The following MID1 variants were observed in gnomAD, a reference collection of about 807,000 sequenced individuals.
MID1 encodes midline 1.
A neutral mutation model predicts 40.4 loss-of-function variants in MID1; 7 were observed. The observed-to-expected ratio is 0.17, with a 90% CI of 0.10 to 0.33. The LOEUF (loss-of-function observed/expected upper bound fraction) is 0.33, where lower values mean the gene tolerates loss of function less well. Ranked by LOEUF, MID1 falls within the 10% of genes least tolerant of loss-of-function variation. The probability of loss-of-function intolerance (pLI) is 1.00; values close to 1 mark genes in which losing one functional copy is unlikely to be tolerated. For synonymous variants in MID1, 229 were observed against 221.2 expected (o/e 1.04, Z -0.31); for missense variants, 367 against 558.5 (o/e 0.66, Z 3.46).
intron 1 of MID1, among the ~76,000 whole-genome samples, chrX:10,829,915 A>T (rs1164250993): frequency 1.1e-4 from 12 of 112,146 alleles, no homozygotes; most frequent in African/African-American, 3.9e-4. Context: ...AAGCCATTAT[A>T]AAAGCTCTCA....
intron 1 of MID1, among the ~76,000 whole-genome samples, chrX:10,777,254 A>C (rs1307728439): frequency 1.5e-5 from 1 of 67,892 alleles, no homozygotes; most frequent in East Asian, 5.0e-4. Context: ...GCTGGAGTGC[A>C]GTGGCACTAT....
rs1205161819 is a variant in MID1 at position 10,519,691 on chromosome X, C to T, written c.756+3401G>A. Among the ~76,000 whole-genome samples the T allele has an allele frequency of 2.7e-5, 3 of 111,971 alleles. No individual in the cohort carries two copies. In the East Asian group the frequency reaches 8.4e-4, roughly 31 times the overall value. On this transcript the variant is annotated intron_variant, in intron 3 of 9. Coordinates refer to ENST00000317552, the MANE Select transcript of MID1 (RefSeq NM_000381.4). Reference sequence around the variant, plus strand: ...TCCTTTTGTATGCCTTTCCCTCTTCCACCTATCATAACCTCCATCAGCACC... The same window carrying T: ...TCCTTTTGTATGCCTTTCCCTCTTCTACCTATCATAACCTCCATCAGCACC...
chrX:10,636,784 G>GGA lies in MID1; in HGVS notation c.-186-16367_-186-16366dup, dbSNP rs1555911844. Among the ~76,000 whole-genome samples, 24 of 12,158 alleles carry GGA rather than the reference G, an allele frequency of 2.0e-3. 1 individual carries two copies. The highest frequency in any genetic ancestry group is 6.9e-3 in the South Asian group (1 of 144). 10.6% of individuals were successfully genotyped at this position (12,158 alleles called of 115,157 possible). On this transcript the variant is annotated intron_variant, in intron 1 of 10. Transcript: ENST00000380785. ...ACAAACTGGGCCATTCCAACAATGGGGATATATATATATATATATATATAT... is the reference window on the plus strand; with the variant it reads ...ACAAACTGGGCCATTCCAACAATGGGGAGATATATATATATATATATATATAT...
At chrX:10,741,056 G>A (rs1246444533) in intron 1 of MID1, among the ~76,000 whole-genome samples, 2 of 111,821 alleles carry the variant, frequency 1.8e-5, no homozygotes, top group Non-Finnish European at 3.8e-5. Context: ...GTGCAAAAAA[G>A]AGAAAAGTTT....
intron 2 of MID1, among the ~76,000 whole-genome samples, chrX:10,546,848 T>TA (rs1465079509): frequency 8.9e-6 from 1 of 112,398 alleles, no homozygotes; most frequent in Non-Finnish European, 1.9e-5. Flanking sequence ...GTGCGAGAGA[T>TA]AAAATCATCC....
intron 1 of MID1, among the ~76,000 whole-genome samples, chrX:10,590,700 G>C (rs1227046995): frequency 8.9e-6 from 1 of 112,434 alleles, no homozygotes; most frequent in Non-Finnish European, 1.9e-5. Context: ...GCAGGCTAAA[G>C]TCTGAGAGAT....
chrX:10,636,858 C>A (rs1389054471), intron 1 of MID1, among the ~76,000 whole-genome samples: 5 of 86,287 alleles, frequency 5.8e-5, no homozygotes, highest in African/African-American at 2.3e-4. Context: ...AATTTTTAAG[C>A]AATCTGAATA....
chrX:10,816,896 A>C (rs1364174744), intron 1 of MID1, among the ~76,000 whole-genome samples: 1 of 111,846 alleles, frequency 8.9e-6, no homozygotes, highest in Non-Finnish European at 1.9e-5. Flanking sequence ...GGAACAATGA[A>C]GGCAAAAAGA....
chrX:10,616,510 C>T (rs1414771222), intron 1 of MID1, among the ~76,000 whole-genome samples: 1 of 111,960 alleles, frequency 8.9e-6, no homozygotes. Flanking sequence ...CTTTCACCAA[C>T]GCACAGCCCA....
At chrX:10,450,491 G>C (rs1376279143) in intron 9 of MID1, among the ~76,000 whole-genome samples, 1 of 112,529 alleles carries the variant, frequency 8.9e-6, no homozygotes, top group Non-Finnish European at 1.9e-5. Context: ...GACCTGGCAT[G>C]TAATATTCAG....
At chrX:10,612,535 C>T (rs1935752066) in intron 1 of MID1, among the ~76,000 whole-genome samples, 1 of 112,209 alleles carries the variant, frequency 8.9e-6, no homozygotes, top group Non-Finnish European at 1.9e-5. Flanking sequence ...TATAATCCTC[C>T]TAGTTTTTGC....
chrX:10,506,726 A>C (rs1021280173), intron 3 of MID1, among the ~76,000 whole-genome samples: 6 of 111,672 alleles, frequency 5.4e-5, no homozygotes, highest in Non-Finnish European at 1.1e-4. Context: ...GCTCTCATGG[A>C]GGACAGAGAG....
At chrX:10,536,902 T>A (rs1278376311) in intron 2 of MID1, among the ~76,000 whole-genome samples, 1 of 111,730 alleles carries the variant, frequency 9.0e-6, no homozygotes, top group African/African-American at 3.3e-5. Flanking sequence ...TTTCCCGAGT[T>A]CCTTCAGTCT....
At chrX:10,731,966 C>CAAAAAAAAAAAAAAAAAAA (rs754605735) in intron 1 of MID1, among the ~76,000 whole-genome samples, 2 of 26,650 alleles carry the variant, frequency 7.5e-5, no homozygotes, top group African/African-American at 1.9e-4. Context: ...GAATCTATCA[C>CAAAAAAAAAAAAAAAAAAA]AAAAAAAAAA....
intron 1 of MID1, among the ~76,000 whole-genome samples, chrX:10,719,781 T>C (rs1440018520): frequency 1.8e-5 from 2 of 111,281 alleles, no homozygotes; most frequent in Non-Finnish European, 3.8e-5. Context: ...GGCATCATGC[T>C]ACCTGACTTC....
intron 1 of MID1, among the ~76,000 whole-genome samples, chrX:10,628,132 C>T (rs2147553512): frequency 9.1e-6 from 1 of 110,001 alleles, no homozygotes; most frequent in East Asian, 2.8e-4. Flanking sequence ...ACCCTTATTT[C>T]CTTATAACTA....
At chrX:10,725,709 A>C (rs2147099122) in intron 1 of MID1, among the ~76,000 whole-genome samples, 1 of 111,163 alleles carries the variant, frequency 9.0e-6, no homozygotes, top group Admixed American at 9.6e-5. Flanking sequence ...AAATACAAAA[A>C]TTTGTTGGGC....
chrX:10,523,977 A>G (rs1686642942), intron 2 of MID1, among the ~76,000 whole-genome samples: 2 of 112,018 alleles, frequency 1.8e-5, no homozygotes, highest in South Asian at 7.4e-4. Flanking sequence ...GCCATTTTAT[A>G]TCAGGGACTT....
At chrX:10,696,875 C>G (rs745655840) in intron 1 of MID1, among the ~76,000 whole-genome samples, 8 of 112,055 alleles carry the variant, frequency 7.1e-5, no homozygotes, top group Admixed American at 6.6e-4. Context: ...TCACGATCAA[C>G]AATTTTCACC....
Sources: gnomAD v4.1 joint callset for allele counts (sites outside exome capture counted in the v4.1 genomes callset) on GRCh38, gnomAD v4.1.1 for gene constraint, MANE v1.5 for transcripts, NCBI Gene and HGNC (gene_info 2026-07-23, HGNC 2026-07-21) for gene names.